KALRN: variants seen among roughly 807,000 people sequenced by gnomAD.
KALRN encodes the protein kalirin RhoGEF kinase.
A neutral mutation model predicts 353.7 loss-of-function variants in KALRN; 70 were observed. The ratio of observed to expected loss-of-function variants is 0.20; its 90% CI spans 0.16 to 0.24. KALRN has a LOEUF of 0.24. KALRN is among the 10% of genes least tolerant of loss of function. The pLI is 1.00. For missense variants in KALRN, 2,791 were observed against 3,756.7 expected (o/e 0.74, Z 6.72); for synonymous variants, 1,391 against 1,434.8 (o/e 0.97, Z 0.69).
At chr3:124,536,746 C>G (rs995005986) in intron 33 of KALRN, among the ~76,000 whole-genome samples, 1 of 152,096 alleles carries the variant, frequency 6.6e-6, no homozygotes, top group Non-Finnish European at 1.5e-5. Flanking sequence ...TAAGACAGAT[C>G]AATTTTTAAA....
intron 58 of KALRN, among the ~76,000 whole-genome samples, chr3:124,716,557 A>AGGT: frequency 6.6e-6 from 1 of 152,274 alleles, no homozygotes; most frequent in South Asian, 2.1e-4. Context: ...AACAAAAAAA[A>AGGT]GGTGGTGGGG....
intron 10 of KALRN, among the ~76,000 whole-genome samples, chr3:124,381,859 G>A (rs1308385704): frequency 6.6e-6 from 1 of 152,272 alleles, no homozygotes; most frequent in South Asian, 2.1e-4. Flanking sequence ...GAGATACATT[G>A]TTACTATAAA....
intron 34 of KALRN, among the ~76,000 whole-genome samples, chr3:124,587,109 GTC>G (rs1007316907): frequency 5.9e-5 from 9 of 152,218 alleles, no homozygotes; most frequent in South Asian, 2.1e-4. Flanking sequence ...TCTTGAGGCT[GTC>G]TCTCAAGTGG....
chr3:124,656,233 G>GAA (rs879342189), intron 39 of KALRN, among the ~76,000 whole-genome samples: 1 of 144,054 alleles, frequency 6.9e-6, no homozygotes, highest in African/African-American at 2.5e-5. Flanking sequence ...ACACTTGGAT[G>GAA]AAAAAAAAAA....
chr3:124,493,374 C>T (rs1232392341), intron 32 of KALRN, among the ~76,000 whole-genome samples: 1 of 152,164 alleles, frequency 6.6e-6, no homozygotes, highest in Non-Finnish European at 1.5e-5. Context: ...ACCTCACCTT[C>T]ATTCACCTAT....
chr3:124,587,293 C>T (rs938237636), intron 34 of KALRN, among the ~76,000 whole-genome samples: 29 of 152,186 alleles, frequency 1.9e-4, no homozygotes, highest in African/African-American at 6.8e-4. Context: ...CTGTCTCCTG[C>T]GGCTTGAGTA....
chr3:124,311,298 A>G (rs2078245723), intron 6 of KALRN, among the ~76,000 whole-genome samples: 1 of 151,804 alleles, frequency 6.6e-6, no homozygotes. Flanking sequence ...GGTCTCTACT[A>G]AAAATAGGTA....
chr3:124,382,018 T>A (rs896444152), intron 10 of KALRN, among the ~76,000 whole-genome samples: 3 of 152,146 alleles, frequency 2.0e-5, no homozygotes, highest in African/African-American at 7.2e-5. Context: ...GCAGGGTAAT[T>A]TAATGGGTTG....
intron 1 of KALRN, among the ~76,000 whole-genome samples, chr3:124,122,286 T>A (rs1173987567): frequency 6.6e-6 from 1 of 152,056 alleles, no homozygotes; most frequent in Non-Finnish European, 1.5e-5. Flanking sequence ...CACTCTGAGG[T>A]CCTGATCTGC....
chr3:124,393,370 G>T (rs9830801), intron 11 of KALRN, among the ~76,000 whole-genome samples: 11 of 152,118 alleles, frequency 7.2e-5, no homozygotes, highest in Admixed American at 1.3e-4. Flanking sequence ...TAGAAAAAAC[G>T]ACAGCCAGAA....
intron 16 of KALRN, among the ~76,000 whole-genome samples, chr3:124,433,105 G>A (rs961053229): frequency 3.9e-5 from 6 of 152,200 alleles, no homozygotes; most frequent in Admixed American, 3.3e-4. Flanking sequence ...GAAAGCAGTT[G>A]GGTTTGGCTT....
rs147638550 is a variant in KALRN, at chr3:124,376,933, A to T, written c.1771-7912A>T. On this transcript the variant is annotated intron_variant, in intron 10 of 59. Transcript: ENST00000682506. ...AGGAGTGTATTGCAAAAGAAAAAAA[A>T]AGGCTGTTGCACGTGCACAATTACA... is the stretch of plus-strand genomic sequence containing the variant. Among the ~76,000 whole-genome samples, 168 of 152,320 alleles carry T rather than the reference A, an allele frequency of 1.1e-3. 3 individuals are homozygous for T. The East Asian group carries it at 0.028, about 25-fold the overall frequency.
chr3:124,536,548 T>C (rs2068539007), intron 33 of KALRN, among the ~76,000 whole-genome samples: 1 of 152,230 alleles, frequency 6.6e-6, no homozygotes, highest in Admixed American at 6.5e-5. Flanking sequence ...AGCAATCCAT[T>C]GTACATATCT....
In KALRN at chr3:124,143,947, G is replaced by C. The variant is rs549977200; in HGVS notation, c.74-84043G>C. Among the ~76,000 whole-genome samples the C allele has an allele frequency of 1.5e-3, 236 of 152,304 alleles. 3 individuals carry two copies. The highest frequency in any genetic ancestry group is 1.4e-3 in the South Asian group (7 of 4,828). The stretch of plus-strand genomic sequence containing the variant: ...TGGAAGCTATTAGATGGGCAGTAAG[G>C]GGGGGATCTAAGGAGTGTCTCTTTT... On this transcript the variant is annotated intron_variant, in intron 1 of 59. Coordinates refer to ENST00000682506, the MANE Select transcript of KALRN (RefSeq NM_001388419.1).
chr3:124,584,613 A>G, intron 34 of KALRN: 1 of 1,401,348 alleles, frequency 7.1e-7, no homozygotes, highest in South Asian at 1.6e-5. Flanking sequence ...TCCGCCCCTT[A>G]GGCCCTCCCT....
intron 9 of KALRN, among the ~76,000 whole-genome samples, chr3:124,339,613 A>T (rs1207448101): frequency 6.6e-6 from 1 of 152,120 alleles, no homozygotes; most frequent in East Asian, 1.9e-4. Flanking sequence ...CTGTGTGAGG[A>T]GACAGAAATA....
intron 33 of KALRN, among the ~76,000 whole-genome samples, chr3:124,530,269 C>A (rs991978511): frequency 2.0e-5 from 3 of 152,138 alleles, no homozygotes; most frequent in Non-Finnish European, 4.4e-5. Context: ...ACTCAGGGAA[C>A]AAAATTCATA....
At chr3:124,263,450 G>A (rs2073138614) in intron 3 of KALRN, among the ~76,000 whole-genome samples, 1 of 152,178 alleles carries the variant, frequency 6.6e-6, no homozygotes, top group African/African-American at 2.4e-5. Flanking sequence ...GGTGGCGCAA[G>A]CCTGTAGTCA....
intron 1 of KALRN, chr3:124,080,098 T>C (rs1415340487): frequency 6.4e-6 from 3 of 471,098 alleles, no homozygotes; most frequent in Admixed American, 4.7e-5. Flanking sequence ...ATCAGGTTAG[T>C]GAACTCTAGT....
Sources: allele counts gnomAD v4.1 joint callset (sites outside exome capture counted in the v4.1 genomes callset), GRCh38; gene constraint gnomAD v4.1.1; transcripts MANE v1.5; gene names NCBI Gene and HGNC (gene_info 2026-07-23, HGNC 2026-07-21).